SYN3: variants seen among roughly 807,000 people sequenced by gnomAD.
The protein encoded by SYN3 is synapsin III.
Under a neutral mutation model 65.8 loss-of-function variants are expected in SYN3, and 35 were observed. The ratio of observed to expected loss-of-function variants is 0.53; its 90% CI spans 0.41 to 0.70. The LOEUF is 0.70. Among genes scored for constraint, SYN3 ranks in the 30% least tolerant of loss-of-function variants. The probability of loss-of-function intolerance (pLI) is 0.00; values close to 1 mark genes in which losing one functional copy is unlikely to be tolerated. For synonymous variants in SYN3, 270 were observed against 292.9 expected (o/e 0.92, Z 0.80); for missense variants, 680 against 749.0 (o/e 0.91, Z 1.08).
chr22:32,636,733 C>G (rs764835536), intron 6 of SYN3, among the ~76,000 whole-genome samples: 5 of 152,146 alleles, frequency 3.3e-5, no homozygotes, highest in African/African-American at 4.8e-5. Context: ...GAAAGAGAAA[C>G]AGGCTCTCTA....
At chr22:32,656,806 G>A (rs1038597481) in intron 6 of SYN3, among the ~76,000 whole-genome samples, 1 of 152,142 alleles carries the variant, frequency 6.6e-6, no homozygotes, top group Admixed American at 6.5e-5. Context: ...AGGAAGACGG[G>A]ATGTAGGGAC....
chr22:32,871,666 TG>T (rs1045597707), intron 4 of SYN3, among the ~76,000 whole-genome samples: 1 of 152,070 alleles, frequency 6.6e-6, no homozygotes, highest in Non-Finnish European at 1.5e-5. Context: ...TGGAGTGCAG[TG>T]GTGTCATCAC....
intron 6 of SYN3, among the ~76,000 whole-genome samples, chr22:32,665,509 ATGTC>A: frequency 8.2e-6 from 1 of 122,258 alleles, no homozygotes; most frequent in Admixed American, 8.0e-5. Context: ...ATATATATAT[ATGTC>A]TCACATATAT....
chr22:32,911,230 G>A (rs2050043243), intron 4 of SYN3, among the ~76,000 whole-genome samples: 1 of 152,188 alleles, frequency 6.6e-6, no homozygotes, highest in South Asian at 2.1e-4. Flanking sequence ...ACAGAGCCCA[G>A]GGATATCCAA....
intron 3 of SYN3, among the ~76,000 whole-genome samples, chr22:32,943,539 C>A (rs1201955882): frequency 6.6e-6 from 1 of 152,156 alleles, no homozygotes; most frequent in African/African-American, 2.4e-5. Flanking sequence ...ACTGGATCAA[C>A]TAACGAGCAA....
chr22:32,637,165 G>A (rs1364593239), intron 6 of SYN3, among the ~76,000 whole-genome samples: 2 of 152,204 alleles, frequency 1.3e-5, no homozygotes, highest in Admixed American at 6.5e-5. Context: ...AATCTTACCA[G>A]AGGCAAAGTG....
intron 4 of SYN3, among the ~76,000 whole-genome samples, chr22:32,900,635 T>C (rs979179011): frequency 7.0e-6 from 1 of 143,334 alleles, no homozygotes; most frequent in Admixed American, 7.0e-5. Flanking sequence ...TATTAGACTG[T>C]AAGCTCTATG....
At chr22:32,601,453 AT>A (rs2059282323) in intron 6 of SYN3, among the ~76,000 whole-genome samples, 1 of 151,942 alleles carries the variant, frequency 6.6e-6, no homozygotes, top group South Asian at 2.1e-4. Context: ...AATATTTTGT[AT>A]TTTTAGTAGA....
chr22:32,828,131 T>G (rs1033329621), intron 6 of SYN3, among the ~76,000 whole-genome samples: 7 of 152,212 alleles, frequency 4.6e-5, no homozygotes, highest in African/African-American at 1.7e-4. Flanking sequence ...AACTCTAACA[T>G]TTGTTAAATG....
chr22:32,802,062 G>A, intron 6 of SYN3: 1 of 1,576,226 alleles, frequency 6.3e-7, no homozygotes, highest in Non-Finnish European at 8.6e-7. Context: ...GGACTGGGGC[G>A]CCGAGGCGTG....
intron 6 of SYN3, among the ~76,000 whole-genome samples, chr22:32,764,310 G>T (rs908456830): frequency 6.6e-6 from 1 of 152,142 alleles, no homozygotes; most frequent in Non-Finnish European, 1.5e-5. Context: ...GAAACAAAAT[G>T]TCCCCGTTTT....
chr22:32,933,671 C>T (rs1257808933), intron 3 of SYN3, among the ~76,000 whole-genome samples: 1 of 152,124 alleles, frequency 6.6e-6, no homozygotes, highest in Admixed American at 6.5e-5. Flanking sequence ...AACTCCTGAC[C>T]TCGTGATCCG....
At chr22:32,954,693 A>C (rs1000624850) in intron 3 of SYN3, among the ~76,000 whole-genome samples, 2 of 152,204 alleles carry the variant, frequency 1.3e-5, no homozygotes, top group African/African-American at 4.8e-5. Flanking sequence ...CAGAAACTGC[A>C]AGAGGAAAGC....
intron 6 of SYN3, chr22:32,629,988 T>C (rs2059723782): frequency 1.2e-5 from 1 of 83,772 alleles, no homozygotes; most frequent in East Asian, 3.9e-4. Context: ...TAGGTATGTA[T>C]TTTTTTTTTT....
At chr22:32,889,158 C>T (rs568884936) in intron 4 of SYN3, among the ~76,000 whole-genome samples, 23 of 152,262 alleles carry the variant, frequency 1.5e-4, no homozygotes, top group Non-Finnish European at 3.1e-4. Flanking sequence ...GGGTGGAGGC[C>T]GCAGGACAGA....
chr22:32,693,460 A>T (rs2060693226), intron 6 of SYN3, among the ~76,000 whole-genome samples: 1 of 152,146 alleles, frequency 6.6e-6, no homozygotes, highest in African/African-American at 2.4e-5. Context: ...TTTTCATTTA[A>T]TGTTTTTGAA....
chr22:32,728,170 A>G (rs2061222645), intron 6 of SYN3, among the ~76,000 whole-genome samples: 2 of 152,268 alleles, frequency 1.3e-5, no homozygotes, highest in African/African-American at 4.8e-5. Context: ...CATTCAGGAC[A>G]TAGGCACTGA....
At chr22:32,854,163 A>G (rs993279694) in intron 6 of SYN3, among the ~76,000 whole-genome samples, 1 of 152,214 alleles carries the variant, frequency 6.6e-6, no homozygotes, top group African/African-American at 2.4e-5. Flanking sequence ...ATTACACAGA[A>G]AACACAACTG....
chr22:32,761,922 C>T (rs1363257042), intron 6 of SYN3, among the ~76,000 whole-genome samples: 1 of 152,140 alleles, frequency 6.6e-6, no homozygotes, highest in Admixed American at 6.5e-5. Context: ...AGGGGAAGAC[C>T]TGAAAACGGG....
Sources: allele counts gnomAD v4.1 joint callset (sites outside exome capture counted in the v4.1 genomes callset), GRCh38; gene constraint gnomAD v4.1.1; transcripts MANE v1.5; gene names NCBI Gene and HGNC (gene_info 2026-07-23, HGNC 2026-07-21).